KDM2B: variants seen among roughly 807,000 people sequenced by gnomAD.
KDM2B encodes the protein lysine demethylase 2B, also known as lysine-specific demethylase 2B.
A neutral mutation model predicts 150.0 loss-of-function variants in KDM2B; 26 were observed. That is an observed-to-expected ratio of 0.17 (90% CI 0.13 to 0.24). The LOEUF (loss-of-function observed/expected upper bound fraction) is 0.24. KDM2B is among the 10% of genes least tolerant of loss of function. The pLI is 1.00. For synonymous variants in KDM2B, 734 were observed against 729.5 expected (o/e 1.01, Z -0.10); for missense variants, 1,265 against 1,816.9 (o/e 0.70, Z 5.52).
intron 12 of KDM2B, among the ~76,000 whole-genome samples, chr12:121,478,460 C>T (rs1311668533): frequency 3.3e-5 from 5 of 149,478 alleles, no homozygotes; most frequent in African/African-American, 7.4e-5. Context: ...CCCAAGTTCA[C>T]GCCATTCTCC....
intron 11 of KDM2B, among the ~76,000 whole-genome samples, chr12:121,500,784 G>A (rs1555301816): frequency 6.6e-6 from 1 of 152,182 alleles, no homozygotes. Flanking sequence ...CCCATCTGAA[G>A]TAGCTTGAAT....
At chr12:121,421,380 A>AAAAAAC in the KDM2B span, among the ~76,000 whole-genome samples, 1 of 144,496 alleles carries the variant, frequency 6.9e-6, no homozygotes, top group African/African-American at 2.7e-5. Flanking sequence ...CTAAAAAAAA[A>AAAAAAC]AAAAAAAAAA....
chr12:121,419,764 C>A, the KDM2B span: 3 of 152,996 alleles, frequency 2.0e-5, no homozygotes, highest in African/African-American at 7.2e-5. Context: ...GTCTAGAAAG[C>A]CTTCGTTGGA....
At chr12:121,487,391 G>A (rs1312300472) in intron 12 of KDM2B, among the ~76,000 whole-genome samples, 2 of 152,116 alleles carry the variant, frequency 1.3e-5, no homozygotes, top group African/African-American at 4.8e-5. Flanking sequence ...AACACGTTTG[G>A]GATTCCAGAT....
chr12:121,492,011 AG>A (rs1883423101), intron 12 of KDM2B, among the ~76,000 whole-genome samples: 1 of 151,102 alleles, frequency 6.6e-6, no homozygotes, highest in Non-Finnish European at 1.5e-5. Flanking sequence ...ACAAAAAACT[AG>A]CCAGGCGTGA....
chr12:121,515,802 T>A (rs1177729491), intron 9 of KDM2B, among the ~76,000 whole-genome samples: 1 of 151,980 alleles, frequency 6.6e-6, no homozygotes, highest in East Asian at 2.0e-4. Context: ...TCTGCCTGCC[T>A]CTGATGGATG....
intron 8 of KDM2B, among the ~76,000 whole-genome samples, chr12:121,526,180 C>CTG (rs1887112010): frequency 6.6e-6 from 1 of 152,084 alleles, no homozygotes; most frequent in African/African-American, 2.4e-5. Context: ...GATGAAACCC[C>CTG]GTCTCTACTA....
chr12:121,555,934 G>A (rs192447594), intron 4 of KDM2B, among the ~76,000 whole-genome samples: 13 of 146,856 alleles, frequency 8.9e-5, no homozygotes, highest in Admixed American at 5.4e-4. Flanking sequence ...TTTGTTTTTT[G>A]TTTTTTTTTT....
At chr12:121,440,134 C>CAGCA in intron 21 of KDM2B, 59 bp from the exon 22 acceptor site, 1 of 1,309,086 alleles carries the variant, frequency 7.6e-7, no homozygotes, top group Non-Finnish European at 1.1e-6. Flanking sequence ...CCTGGTCATG[C>CAGCA]TGACATGACA....
At chr12:121,422,868 T>C in the KDM2B span, among the ~76,000 whole-genome samples, 1 of 152,162 alleles carries the variant, frequency 6.6e-6, no homozygotes, top group African/African-American at 2.4e-5. Flanking sequence ...TTGAGATGAT[T>C]CTAAGGCTAG....
Position 121,468,807 on chromosome 12 carries a change from T to C in KDM2B, c.1735-15463A>G, listed in dbSNP as rs147131423. ...AAGCAGGGATGTCAGTTTTACTGAG[T>C]GGATTTTAAAGTCTGAAATTTACAC... On this transcript the variant is annotated intron_variant, in intron 12 of 22. Transcript: ENST00000377071. This position sits in a 1 kb window ranked among gnomAD's most constrained non-coding sequence, Gnocchi z 4.0. 6.6e-6 allele frequency: 1 copy of C among 152,318 alleles called. No individual in the cohort carries two copies. Among genetic ancestry groups the C allele is most frequent in the Non-Finnish European group, 1.5e-5 (1 of 68,024 alleles). The allele number at this position is 152,318 out of a possible 1,614,324, so 9.4% of individuals were successfully genotyped here. A position where few individuals can be genotyped will look rare whatever the true frequency, so the allele number is the denominator to read the frequency against.
chr12:121,536,651 T>G (rs1216273106), intron 6 of KDM2B, among the ~76,000 whole-genome samples: 2 of 150,270 alleles, frequency 1.3e-5, no homozygotes, highest in Non-Finnish European at 2.9e-5. Context: ...AAACCATCTC[T>G]TCGTCTTGGT....
chr12:121,424,905 CCT>C (rs1872439553), downstream of KDM2B, among the ~76,000 whole-genome samples: 1 of 152,058 alleles, frequency 6.6e-6, no homozygotes, highest in Non-Finnish European at 1.5e-5. Context: ...GCTTCTCTAA[CCT>C]CTGAGAAGTT....
Position 121,468,601 on chromosome 12 carries a change from GT to G in KDM2B, c.1735-15258del, listed in dbSNP as rs1880384152. ...TCCCAAGAATAAGCCATGAAATCAG[GT>G]GATCAGCTCTGCAATGGCCATCTGT... On this transcript the variant is annotated intron_variant, in intron 12 of 22. Coordinates refer to ENST00000377071, the MANE Select transcript of KDM2B (RefSeq NM_032590.5). This position sits in a 1 kb window ranked among gnomAD's most constrained non-coding sequence, Gnocchi z 4.0. 1 of 152,250 alleles carries G rather than the reference GT, an allele frequency of 6.6e-6. No individual in the cohort carries two copies. The highest frequency in any genetic ancestry group is 1.5e-5 in the Non-Finnish European group (1 of 68,064). The allele number at this position is 152,250 out of a possible 1,614,324, so 9.4% of individuals were successfully genotyped here.
Position 121,549,004 on chromosome 12 carries a change from A to T in KDM2B, c.577-21T>A. ...TCTACCTGAAAGCCAGACCAGTGTGAGCACTGCATTTCTCCACTGCCGAGC... is the reference window on the plus strand; with the variant it reads ...TCTACCTGAAAGCCAGACCAGTGTGTGCACTGCATTTCTCCACTGCCGAGC... On this transcript the variant is annotated intron_variant, in intron 5 of 22. Coordinates refer to ENST00000377071, the MANE Select transcript of KDM2B (RefSeq NM_032590.5). The surrounding 1 kb of genome is among the most constrained non-coding windows in gnomAD (Gnocchi z 4.4). 11 of 1,585,496 alleles carry T rather than the reference A, an allele frequency of 6.9e-6. No homozygotes were observed. Among genetic ancestry groups the T allele is most frequent in the Non-Finnish European group, 9.5e-6 (11 of 1,153,886 alleles).
the KDM2B span, among the ~76,000 whole-genome samples, chr12:121,412,629 T>G: frequency 6.6e-6 from 1 of 152,082 alleles, no homozygotes; most frequent in Non-Finnish European, 1.5e-5. Context: ...TCCACCCGCC[T>G]TGGCCTCCCA....
intron 11 of KDM2B, among the ~76,000 whole-genome samples, chr12:121,502,686 C>T (rs1327851594): frequency 7.2e-6 from 1 of 138,774 alleles, no homozygotes; most frequent in African/African-American, 2.7e-5. Context: ...GTTTGAGAGG[C>T]TGAGGTAGAT....
chr12:121,484,510 C>T (rs1347359192), intron 12 of KDM2B, among the ~76,000 whole-genome samples: 2 of 152,074 alleles, frequency 1.3e-5, no homozygotes, highest in Non-Finnish European at 2.9e-5. Flanking sequence ...GCTGACAAGC[C>T]GGGAGAGGCT....
chr12:121,578,985 TG>T, intron 1 of KDM2B, 39 bp from the exon 2 acceptor site: 2 of 1,593,602 alleles, frequency 1.3e-6, no homozygotes. Context: ...GACATTATTG[TG>T]GGGGCTGGAG....
Sources: gnomAD v4.1 joint callset for allele counts (sites outside exome capture counted in the v4.1 genomes callset) on GRCh38, gnomAD v4.1.1 for gene constraint, Gnocchi (gnomAD v3.1) non-coding constraint, MANE v1.5 for transcripts, NCBI Gene and HGNC (gene_info 2026-07-23, HGNC 2026-07-21) for gene names.